GALNT14: variants seen among roughly 807,000 people sequenced by gnomAD.
GALNT14 encodes polypeptide N-acetylgalactosaminyltransferase 14, also known as UDP-GalNAc:polypeptide N-acetylgalactosaminyltransferase 14.
A neutral mutation model predicts 77.5 loss-of-function variants in GALNT14; 60 were observed. That is an observed-to-expected ratio of 0.77 (90% confidence interval 0.63 to 0.96). The LOEUF (loss-of-function observed/expected upper bound fraction) is 0.96, where lower values mean the gene tolerates loss of function less well. Among genes scored for constraint, GALNT14 ranks in the 40% least tolerant of loss-of-function variants. The probability of loss-of-function intolerance (pLI) is 0.00; values close to 1 mark genes in which losing one functional copy is unlikely to be tolerated. For synonymous variants in GALNT14, 280 were observed against 281.7 expected, an observed-to-expected ratio of 0.99 and a Z score of 0.06; for missense variants, 710 against 731.0, an observed-to-expected ratio of 0.97 and a Z score of 0.33.
chr2:30,994,226 G>A (rs77115056), intron 1 of GALNT14, among the ~76,000 whole-genome samples: 1,918 of 152,254 alleles, frequency 0.013, 28 homozygotes, highest in African/African-American at 0.041. Flanking sequence ...CCCAGTGGCC[G>A]TGCAAGTGTC....
At chr2:30,957,835 G>A (rs1667458344) in intron 4 of GALNT14, among the ~76,000 whole-genome samples, 1 of 152,206 alleles carries the variant, frequency 6.6e-6, no homozygotes, top group Admixed American at 6.5e-5. Flanking sequence ...AGGCTCCTGG[G>A]AGGACGGCCT....
chr2:30,908,957 G>A (rs1178809117), downstream of GALNT14, among the ~76,000 whole-genome samples: 1 of 151,670 alleles, frequency 6.6e-6, no homozygotes, highest in African/African-American at 2.4e-5. Context: ...AAGCAATGGG[G>A]AAAGGATTTG....
intron 4 of GALNT14, among the ~76,000 whole-genome samples, chr2:30,957,474 G>A (rs970647233): frequency 3.6e-4 from 55 of 152,244 alleles, no homozygotes; most frequent in African/African-American, 1.3e-3. Flanking sequence ...AGCAGGGCCA[G>A]TGTCTGCCCA....
At chr2:30,937,130 G>C (rs1028239645) in intron 9 of GALNT14, among the ~76,000 whole-genome samples, 23 of 152,186 alleles carry the variant, frequency 1.5e-4, no homozygotes, top group African/African-American at 5.5e-4. Context: ...CTAATCTTGA[G>C]CCACCAATCA....
rs778193671 is a variant in GALNT14, at chr2:31,072,370, GCT to G, written c.129+65586_129+65587del. ...ACAGGTCAAAATTTTTGTCTCTCTT[GCT>G]CTCTTTTTTTTTCTTTTGTTCCCTC... On this transcript the variant is annotated intron_variant, in intron 1 of 14. Transcript: ENST00000349752. Among the ~76,000 whole-genome samples the G allele has an allele frequency of 1.7e-4, 25 of 150,078 alleles. No individual in the cohort carries two copies. The East Asian group carries it at 3.0e-3, about 18-fold the overall frequency.
chr2:30,971,447 C>T (rs1267290221), intron 2 of GALNT14, among the ~76,000 whole-genome samples: 1 of 152,104 alleles, frequency 6.6e-6, no homozygotes, highest in Non-Finnish European at 1.5e-5. Flanking sequence ...GAAACAGAAT[C>T]CCGGGATCTC....
At chr2:31,001,500 A>T (rs1670366661) in intron 1 of GALNT14, among the ~76,000 whole-genome samples, 1 of 152,190 alleles carries the variant, frequency 6.6e-6, no homozygotes, top group African/African-American at 2.4e-5. Context: ...CAAGAAGGGG[A>T]CAAAGTGGTC....
Position 30,929,430 on chromosome 2 carries a change from A to G in GALNT14, c.1116T>C (p.Ala372=), listed in dbSNP as rs776788581. The G allele has an allele frequency of 6.2e-7, 1 of 1,614,196 alleles. No individual in the cohort carries two copies. Among genetic ancestry groups the G allele is most frequent in the South Asian group, 1.1e-5 (1 of 91,084 alleles). ...GCCTCTCCAGGGCGAATGGCCGGGC[A>G]GCGTAATAGTATTGCTTGTATTCAT... is the stretch of plus-strand genomic sequence containing the variant. ...WMDEYKQYYY[A]ARPFALERPF... is the part of the protein sequence containing the mutation. Residue 372 remains alanine, a synonymous_variant, in exon 11 of 15, where the codon GCT becomes GCC. Transcript: ENST00000349752.
At chr2:30,916,102 G>A (rs1434973773) in intron 13 of GALNT14, among the ~76,000 whole-genome samples, 2 of 152,156 alleles carry the variant, frequency 1.3e-5, no homozygotes, top group Non-Finnish European at 2.9e-5. Flanking sequence ...CCAGCACCTG[G>A]ACCCATCTAG....
chr2:31,010,724 C>A (rs746757501), intron 1 of GALNT14, among the ~76,000 whole-genome samples: 21 of 152,178 alleles, frequency 1.4e-4, no homozygotes, highest in Admixed American at 8.5e-4. Flanking sequence ...CAAGGCCCTG[C>A]CTGATCAGAA....
intron 1 of GALNT14, among the ~76,000 whole-genome samples, chr2:31,104,622 G>A (rs188447710): frequency 3.9e-5 from 6 of 152,260 alleles, no homozygotes. Context: ...GTCTCATCCA[G>A]TCTGGAGGAA....
intron 1 of GALNT14, among the ~76,000 whole-genome samples, chr2:31,052,198 C>T (rs1184816224): frequency 6.6e-6 from 1 of 152,146 alleles, no homozygotes; most frequent in Non-Finnish European, 1.5e-5. Context: ...CCCGTGGACT[C>T]TAAGCTGACC....
intron 1 of GALNT14, among the ~76,000 whole-genome samples, chr2:31,049,581 G>A (rs1673706907): frequency 1.3e-5 from 2 of 152,246 alleles, no homozygotes; most frequent in African/African-American, 2.4e-5. Flanking sequence ...TGGCAGGGGT[G>A]AGGGTGGAGG....
At chr2:31,020,209 C>T (rs2148458843) in intron 1 of GALNT14, among the ~76,000 whole-genome samples, 1 of 152,186 alleles carries the variant, frequency 6.6e-6, no homozygotes, top group South Asian at 2.1e-4. Flanking sequence ...GATCATTATC[C>T]AGGAGATGAA....
At chr2:30,977,881 C>A (rs949992600) in intron 2 of GALNT14, among the ~76,000 whole-genome samples, 3 of 152,210 alleles carry the variant, frequency 2.0e-5, no homozygotes, top group Non-Finnish European at 4.4e-5. Context: ...CTGATCTACA[C>A]CCCTGGTTTG....
At chr2:30,946,258 C>T (rs970955779) in intron 6 of GALNT14, among the ~76,000 whole-genome samples, 2 of 152,108 alleles carry the variant, frequency 1.3e-5, no homozygotes, top group South Asian at 2.1e-4. Context: ...GCTGGTGATA[C>T]GGTTTGGATC....
chr2:31,130,783 T>TGTGTGCGC (rs1181788023), intron 1 of GALNT14, among the ~76,000 whole-genome samples: 106 of 118,644 alleles, frequency 8.9e-4, no homozygotes, highest in African/African-American at 3.6e-3. Context: ...TGTGTGTGTG[T>TGTGTGCGC]GCGCGCGCAC....
intron 1 of GALNT14, among the ~76,000 whole-genome samples, chr2:31,019,187 G>C (rs1671564859): frequency 6.6e-6 from 1 of 152,146 alleles, no homozygotes. Flanking sequence ...AGAAGCCCCA[G>C]AGTAGGCAAC....
intron 1 of GALNT14, among the ~76,000 whole-genome samples, chr2:31,002,589 T>A (rs369696677): frequency 6.6e-6 from 1 of 152,226 alleles, no homozygotes; most frequent in African/African-American, 2.4e-5. Flanking sequence ...CTTACCCCTA[T>A]ACCTTTCTGT....
Sources: gnomAD v4.1 joint callset for allele counts (sites outside exome capture counted in the v4.1 genomes callset) on GRCh38, gnomAD v4.1.1 for gene constraint, MANE v1.5 for transcripts, NCBI Gene and HGNC (gene_info 2026-07-23, HGNC 2026-07-21) for gene names.